WWTR1: variants seen among roughly 807,000 people sequenced by gnomAD.
WWTR1 encodes WW domain containing transcription regulator 1, also known as WW domain-containing transcription regulator protein 1.
WWTR1 carries 13 observed loss-of-function variants against 40.1 expected under a neutral mutation model. That is an observed-to-expected ratio of 0.32 (90% confidence interval 0.21 to 0.52). WWTR1 has a LOEUF of 0.52. Among genes scored for constraint, WWTR1 ranks in the 20% least tolerant of loss-of-function variants. WWTR1 has a pLI of 0.97. For synonymous variants in WWTR1, 230 were observed against 210.1 expected, an observed-to-expected ratio of 1.09 and a Z score of -0.82; for missense variants, 436 against 523.1, an observed-to-expected ratio of 0.83 and a Z score of 1.63.
At chr3:149,568,076 A>C (rs1737417545) in intron 3 of WWTR1, among the ~76,000 whole-genome samples, 1 of 152,174 alleles carries the variant, frequency 6.6e-6, no homozygotes, top group Non-Finnish European at 1.5e-5. Flanking sequence ...AGGAAGGCCC[A>C]CAACCTACTT....
chr3:149,655,148 A>G (rs1713133186), intron 2 of WWTR1, among the ~76,000 whole-genome samples: 2 of 144,928 alleles, frequency 1.4e-5, no homozygotes, highest in Admixed American at 1.4e-4. Context: ...AGAAAGAAAG[A>G]AAGAAATCAT....
intron 2 of WWTR1, among the ~76,000 whole-genome samples, chr3:149,613,238 G>A (rs1272699924): frequency 1.3e-5 from 2 of 152,166 alleles, no homozygotes; most frequent in Non-Finnish European, 2.9e-5. Context: ...CACAGGACCA[G>A]ACAGAATCAT....
chr3:149,554,683 A>T (rs929401386), intron 3 of WWTR1, among the ~76,000 whole-genome samples: 8 of 148,224 alleles, frequency 5.4e-5, no homozygotes, highest in Non-Finnish European at 1.0e-4. Flanking sequence ...TGGCAGGCTG[A>T]TTTCTTCTGG....
chr3:149,538,154 A>C (rs1735918241), intron 4 of WWTR1, among the ~76,000 whole-genome samples: 1 of 152,178 alleles, frequency 6.6e-6, no homozygotes, highest in Non-Finnish European at 1.5e-5. Context: ...TCCTGACCTC[A>C]AGTGATCTGC....
chr3:149,623,207 T>C (rs1740395226), intron 2 of WWTR1, among the ~76,000 whole-genome samples: 1 of 151,600 alleles, frequency 6.6e-6, no homozygotes, highest in Non-Finnish European at 1.5e-5. Context: ...ACCAAAAAAA[T>C]ACAAAATTAT....
chr3:149,652,911 G>T (rs2108154388), intron 2 of WWTR1, among the ~76,000 whole-genome samples: 1 of 152,046 alleles, frequency 6.6e-6, no homozygotes, highest in African/African-American at 2.4e-5. Flanking sequence ...TGAGCCTTGA[G>T]GAGGTGAAGG....
At chr3:149,550,224 A>T (rs1286582833) in intron 3 of WWTR1, among the ~76,000 whole-genome samples, 1 of 152,232 alleles carries the variant, frequency 6.6e-6, no homozygotes, top group African/African-American at 2.4e-5. Flanking sequence ...TTTAAGAGAA[A>T]ATCTGGTCTA....
intron 1 of WWTR1, among the ~76,000 whole-genome samples, chr3:149,694,401 G>A (rs1434899370): frequency 6.6e-6 from 1 of 152,080 alleles, no homozygotes; most frequent in African/African-American, 2.4e-5. Context: ...GCAAGACTCT[G>A]TCTCAAAAAC....
chr3:149,562,791 T>G (rs1024030837), intron 3 of WWTR1, among the ~76,000 whole-genome samples: 1 of 150,116 alleles, frequency 6.7e-6, no homozygotes, highest in Non-Finnish European at 1.5e-5. Context: ...AGAACAGCTG[T>G]TCTTGACCAC....
At chr3:149,544,884 C>T (rs985420789) in intron 3 of WWTR1, among the ~76,000 whole-genome samples, 1 of 152,148 alleles carries the variant, frequency 6.6e-6, no homozygotes, top group Non-Finnish European at 1.5e-5. Flanking sequence ...ACTCTGGGCC[C>T]AATAACATGC....
intron 2 of WWTR1, among the ~76,000 whole-genome samples, chr3:149,645,874 A>G (rs1712495483): frequency 6.6e-6 from 1 of 152,214 alleles, no homozygotes; most frequent in Non-Finnish European, 1.5e-5. Flanking sequence ...TGTCACTGGC[A>G]ATGCTTACCA....
Position 149,656,998 on chromosome 3 carries a change from C to T in WWTR1, c.309G>A (p.Ala103=). 1 of 1,597,794 alleles carries T rather than the reference C, an allele frequency of 6.3e-7. No homozygotes were observed. The highest frequency in any genetic ancestry group is 8.5e-7 in the Non-Finnish European group (1 of 1,176,566). The part of the protein sequence containing the change: ...SLQLGTGAGA[A]GSPAQQHAHL... ...GCGCGTGCTGCTGCGCGGGGCTACC[C>T]GCAGCACCCGCGCCGGTGCCCAGCT... Residue 103 remains alanine, a synonymous_variant, in exon 2 of 7, where the codon GCG becomes GCA. Transcript: ENST00000360632.
chr3:149,598,152 C>T (rs910748627), intron 2 of WWTR1, among the ~76,000 whole-genome samples: 1 of 152,116 alleles, frequency 6.6e-6, no homozygotes, highest in African/African-American at 2.4e-5. Context: ...AGGCAAACCC[C>T]CCAATAGATC....
At chr3:149,616,188 C>T (rs1739960700) in intron 2 of WWTR1, among the ~76,000 whole-genome samples, 1 of 152,160 alleles carries the variant, frequency 6.6e-6, no homozygotes, top group South Asian at 2.1e-4. Context: ...TGTCTCATCG[C>T]AGACTCAATT....
intron 3 of WWTR1, among the ~76,000 whole-genome samples, chr3:149,557,236 A>G (rs1736872404): frequency 6.6e-6 from 1 of 151,552 alleles, no homozygotes. Flanking sequence ...ACGCCCAGCT[A>G]ATTTTTGTAT....
chr3:149,592,005 G>A (rs904893284), intron 2 of WWTR1, among the ~76,000 whole-genome samples: 2 of 152,022 alleles, frequency 1.3e-5, no homozygotes, highest in African/African-American at 2.4e-5. Context: ...CTACTTCTCC[G>A]GTAACAAATG....
chr3:149,528,784 AC>A (rs1256700471), intron 4 of WWTR1, among the ~76,000 whole-genome samples: 1 of 152,190 alleles, frequency 6.6e-6, no homozygotes, highest in East Asian at 1.9e-4. Context: ...AAACAAAAAA[AC>A]AAAAAAGTCA....
At chr3:149,591,172 A>G (rs1738705058) in intron 2 of WWTR1, among the ~76,000 whole-genome samples, 1 of 152,186 alleles carries the variant, frequency 6.6e-6, no homozygotes, top group Non-Finnish European at 1.5e-5. Context: ...CGGAACGCCA[A>G]CTCTCCACTA....
At chr3:149,694,435 A>G (rs1714917545) in intron 1 of WWTR1, among the ~76,000 whole-genome samples, 1 of 152,180 alleles carries the variant, frequency 6.6e-6, no homozygotes, top group Admixed American at 6.5e-5. Context: ...AACAACAAAA[A>G]AACAAGGGAT....
Sources: allele counts gnomAD v4.1 joint callset (sites outside exome capture counted in the v4.1 genomes callset), GRCh38; gene constraint gnomAD v4.1.1; transcripts MANE v1.5; gene names NCBI Gene and HGNC (gene_info 2026-07-23, HGNC 2026-07-21).